Variants in CDH8 observed in about 807,000 individuals in gnomAD.
The protein encoded by CDH8 is cadherin-8.
A neutral mutation model predicts 68.1 loss-of-function variants in CDH8; 17 were observed. The observed-to-expected ratio is 0.25, with a 90% confidence interval of 0.17 to 0.37. The LOEUF (loss-of-function observed/expected upper bound fraction) is 0.37. Among genes scored for constraint, CDH8 ranks in the 10% least tolerant of loss-of-function variants. The probability of loss-of-function intolerance (pLI) is 1.00; values close to 1 mark genes in which losing one functional copy is unlikely to be tolerated. For missense variants in CDH8, 763 were observed against 999.3 expected, an observed-to-expected ratio of 0.76 and a Z score of 3.19; for synonymous variants, 372 against 365.1, an observed-to-expected ratio of 1.02 and a Z score of -0.21.
At chr16:61,861,949 G>C (rs1250839456) in intron 3 of CDH8, among the ~76,000 whole-genome samples, 1 of 152,142 alleles carries the variant, frequency 6.6e-6, no homozygotes, top group African/African-American at 2.4e-5. Context: ...TACAATTTTA[G>C]ATGGTAGTGA....
chr16:61,768,311 C>CTCTCTCTCTCTCTCTCTCTCTCTCT (rs1567461041), intron 8 of CDH8, among the ~76,000 whole-genome samples: 1 of 16,398 alleles, frequency 6.1e-5, no homozygotes, highest in Non-Finnish European at 1.2e-4. Flanking sequence ...TGTGTCTCTC[C>CTCTCTCTCTCTCTCTCTCTCTCTCT]CTTTCTCTCT....
intron 2 of CDH8, among the ~76,000 whole-genome samples, chr16:61,981,510 T>C (rs1008509788): frequency 1.3e-5 from 2 of 152,062 alleles, no homozygotes; most frequent in Non-Finnish European, 2.9e-5. Flanking sequence ...CTCTAGAGTA[T>C]TGCACAGAGT....
At chr16:61,871,403 A>G (rs1963359885) in intron 3 of CDH8, among the ~76,000 whole-genome samples, 1 of 151,446 alleles carries the variant, frequency 6.6e-6, no homozygotes, top group South Asian at 2.1e-4. Flanking sequence ...GACTCAAGCA[A>G]TCCTCTCACC....
chr16:61,826,612 G>A (rs892172231), intron 4 of CDH8, among the ~76,000 whole-genome samples: 10 of 151,302 alleles, frequency 6.6e-5, no homozygotes, highest in Non-Finnish European at 1.5e-4. Context: ...CTGAGCCATT[G>A]CCTTGGCCAC....
At chr16:61,688,749 C>A (rs74023222) in intron 10 of CDH8, among the ~76,000 whole-genome samples, 9,369 of 151,948 alleles carry the variant, frequency 0.062, 1,007 homozygotes, top group African/African-American at 0.21. Context: ...GGAAACACAC[C>A]CTATTTATAA....
chr16:61,957,729 T>C (rs1965010328), intron 2 of CDH8, among the ~76,000 whole-genome samples: 1 of 152,192 alleles, frequency 6.6e-6, no homozygotes, highest in South Asian at 2.1e-4. Flanking sequence ...TATTCATGCA[T>C]GAAATATTTT....
At chr16:61,751,459 A>C in intron 8 of CDH8, among the ~76,000 whole-genome samples, 1 of 151,586 alleles carries the variant, frequency 6.6e-6, no homozygotes, top group East Asian at 1.9e-4. Context: ...GACACTCTTA[A>C]AAAAATGGCT....
In CDH8 at chr16:61,957,415, C is replaced by T. The variant is rs558648009; in HGVS notation, c.253-55942G>A. On this transcript the variant is annotated intron_variant, in intron 2 of 11. Coordinates refer to ENST00000577390, the MANE Select transcript of CDH8 (RefSeq NM_001796.5). ...TAGTTTAAAAGGAACACATTGGAAACGCTCTCTTTCTGTCAGAGTCACAGT... is the reference window on the plus strand; with the variant it reads ...TAGTTTAAAAGGAACACATTGGAAATGCTCTCTTTCTGTCAGAGTCACAGT... Among the ~76,000 whole-genome samples the T allele has an allele frequency of 6.6e-5, 10 of 152,246 alleles. No homozygotes were observed. The South Asian group carries it at 1.5e-3, about 22-fold the overall frequency.
chr16:61,776,168 T>C (rs1960895029), intron 8 of CDH8, among the ~76,000 whole-genome samples: 1 of 152,078 alleles, frequency 6.6e-6, no homozygotes, highest in East Asian at 1.9e-4. Flanking sequence ...TATTATCAAG[T>C]CCTTACCATA....
chr16:62,021,322 A>C lies in CDH8; in HGVS notation c.82T>G (p.Tyr28Asp). Residue 28 changes from tyrosine to aspartate, a missense_variant, in exon 2 of 12, where the codon TAC becomes GAC. Coordinates refer to ENST00000577390, the MANE Select transcript of CDH8 (RefSeq NM_001796.5). ...ILWITLPPCIYMAPMNQSQVL... is the reference protein window; with the variant it reads ...ILWITLPPCIDMAPMNQSQVL... ...TGAGACTGATTCATCGGAGCCATGT[A>C]AATGCAAGGGGGAAGAGTAATCCAT... is the stretch of plus-strand genomic sequence containing the variant. The C allele has an allele frequency of 6.2e-7, 1 of 1,614,074 alleles. No homozygotes were observed. The highest frequency in any genetic ancestry group is 8.5e-7 in the Non-Finnish European group (1 of 1,179,960).
chr16:61,873,061 A>C (rs1963398653), intron 3 of CDH8, among the ~76,000 whole-genome samples: 1 of 152,194 alleles, frequency 6.6e-6, no homozygotes. Context: ...TATTTTTGTA[A>C]GTATTTAAAC....
chr16:61,995,097 G>T (rs923856316), intron 2 of CDH8, among the ~76,000 whole-genome samples: 1 of 152,082 alleles, frequency 6.6e-6, no homozygotes, highest in Non-Finnish European at 1.5e-5. Context: ...CAAGGTACTC[G>T]CAGGTAAAAT....
At chr16:61,788,834 G>A (rs372667120) in intron 8 of CDH8, among the ~76,000 whole-genome samples, 77 of 151,860 alleles carry the variant, frequency 5.1e-4, no homozygotes, top group African/African-American at 1.8e-3. Flanking sequence ...TGATTACTGT[G>A]TAAAATACAT....
At chr16:61,809,944 C>T (rs2142998816) in intron 7 of CDH8, among the ~76,000 whole-genome samples, 1 of 152,326 alleles carries the variant, frequency 6.6e-6, no homozygotes, top group South Asian at 2.1e-4. Flanking sequence ...ATTAGAGCTC[C>T]ATTAGGGATT....
chr16:61,718,397 C>T (rs183348150), intron 9 of CDH8, among the ~76,000 whole-genome samples: 1 of 151,374 alleles, frequency 6.6e-6, no homozygotes. Flanking sequence ...GAAGATCCAG[C>T]AATAATGAAC....
chr16:61,665,965 A>G (rs1219878678), intron 10 of CDH8, among the ~76,000 whole-genome samples: 1 of 151,914 alleles, frequency 6.6e-6, no homozygotes, highest in Admixed American at 6.6e-5. Flanking sequence ...ATAGTCTGAA[A>G]CTATGAAATG....
At chr16:61,912,030 A>C (rs1272471410) in intron 2 of CDH8, among the ~76,000 whole-genome samples, 1 of 152,066 alleles carries the variant, frequency 6.6e-6, no homozygotes, top group Non-Finnish European at 1.5e-5. Context: ...TATGAGATAG[A>C]TTTCTCATAC....
chr16:61,652,627 A>G lies in CDH8; in HGVS notation c.*981T>C, dbSNP rs1963346328. 4 of 1,067,124 alleles carry G rather than the reference A, an allele frequency of 3.7e-6. No individual in the cohort carries two copies. Among genetic ancestry groups the G allele is most frequent in the Admixed American group, 4.5e-5 (1 of 22,250 alleles). The allele number at this position is 1,067,124 out of a possible 1,614,324, so 66.1% of individuals were successfully genotyped here. A position where few individuals can be genotyped will look rare whatever the true frequency, so the allele number is the denominator to read the frequency against. On this transcript the variant is annotated 3_prime_UTR_variant, in exon 12 of 12. Coordinates refer to ENST00000577390, the MANE Select transcript of CDH8 (RefSeq NM_001796.5). ...CAAAATGTACATGTATTAAACATTC[A>G]TTGTATATATATTTATATAAAACAA...
At chr16:61,676,291 TATC>T (rs145773047) in intron 10 of CDH8, among the ~76,000 whole-genome samples, 17,280 of 151,546 alleles carry the variant, frequency 0.11, 972 homozygotes, top group Non-Finnish European at 0.12. Context: ...GTTATACTAA[TATC>T]ATAAGGAAGC....
Sources: allele counts gnomAD v4.1 joint callset (sites outside exome capture counted in the v4.1 genomes callset), GRCh38; gene constraint gnomAD v4.1.1; transcripts MANE v1.5; gene names NCBI Gene and HGNC (gene_info 2026-07-23, HGNC 2026-07-21).